Variants in SYDE1 observed in about 807,000 individuals in gnomAD.
The protein encoded by SYDE1 is rho GTPase-activating protein SYDE1.
A neutral mutation model predicts 63.3 loss-of-function variants in SYDE1; 34 were observed. That is an observed-to-expected ratio of 0.54 (90% CI 0.41 to 0.71). SYDE1 has a LOEUF of 0.71. Among genes scored for constraint, SYDE1 ranks in the 30% least tolerant of loss-of-function variants. The pLI is 0.00. For missense variants in SYDE1, 925 were observed against 1,042.5 expected (o/e 0.89, Z 1.55); for synonymous variants, 467 against 473.4 (o/e 0.99, Z 0.18).
In SYDE1 at chr19:15,108,891, C is replaced by T; in HGVS notation, c.89-165C>T. The T allele has an allele frequency of 1.8e-6, 2 of 1,141,284 alleles. No individual in the cohort carries two copies. Among genetic ancestry groups the T allele is most frequent in the East Asian group, 5.6e-5 (2 of 35,458 alleles). 70.7% of individuals were successfully genotyped at this position (1,141,284 alleles called of 1,614,324 possible). On this transcript the variant is annotated intron_variant, in intron 1 of 7. Coordinates refer to ENST00000342784, the MANE Select transcript of SYDE1 (RefSeq NM_033025.6). The surrounding 1 kb of genome is among the most constrained non-coding windows in gnomAD (Gnocchi z 4.3). The stretch of plus-strand genomic sequence containing the variant: ...CTAAGCTGATAACTGAGATCGCTAG[C>T]CTGTGGCTGCCTATTCCAAACAAAA...
chr19:15,113,555 T>C lies in SYDE1; in HGVS notation c.1805-5T>C. The C allele has an allele frequency of 6.5e-7, 1 of 1,541,532 alleles. No individual in the cohort carries two copies. The highest frequency in any genetic ancestry group is 1.2e-5 in the South Asian group (1 of 80,050). On this transcript the variant is annotated splice_region_variant and splice_polypyrimidine_tract_variant and intron_variant, in intron 7 of 7. Transcript: ENST00000342784. The stretch of plus-strand genomic sequence containing the variant: ...CTTTCTATGACCTACCCTGTCTCCC[T>C]TCAGATCCCCGCCTGCCCCGACAAT...
At chr19:15,112,746 T>C (rs1008991794) in intron 7 of SYDE1, among the ~76,000 whole-genome samples, 175 bp downstream of exon 7, 1 of 152,210 alleles carries the variant, frequency 6.6e-6, no homozygotes, top group African/African-American at 2.4e-5. Context: ...GTTTTGTCTT[T>C]TTTTATTTTC....
chr19:15,107,645 C>A, intron 1 of SYDE1, 124 bp downstream of exon 1: 2 of 376,206 alleles, frequency 5.3e-6, no homozygotes, highest in Non-Finnish European at 9.6e-6. Flanking sequence ...CCGCTGCAGA[C>A]TGGGGTGCCT....
Position 15,109,977 on chromosome 19 carries a change from CA to C in SYDE1, c.705del (p.Pro236ArgfsTer105). On this transcript the variant is annotated frameshift_variant, in exon 3 of 8. Coordinates refer to ENST00000342784, the MANE Select transcript of SYDE1 (RefSeq NM_033025.6). LOFTEE classifies it high-confidence loss of function. The surrounding 1 kb of genome is among the most constrained non-coding windows in gnomAD (Gnocchi z 5.0). ...PRAGYLSDGD[S>X]PERPAGPPSP... ...GCCGGTTACCTCAGCGACGGGGACT[CA>C]CCGGAGCGCCCAGCTGGGCCCCCAT... is the stretch of plus-strand genomic sequence containing the variant. The C allele has an allele frequency of 6.7e-7, 1 of 1,487,896 alleles. No individual in the cohort carries two copies. Among genetic ancestry groups the C allele is most frequent in the Non-Finnish European group, 8.9e-7 (1 of 1,127,068 alleles). The allele number at this position is 1,487,896 out of a possible 1,614,324, so 92.2% of individuals were successfully genotyped here.
chr19:15,107,589 C>T, intron 1 of SYDE1, 68 bp downstream of exon 1: 1 of 1,220,032 alleles, frequency 8.2e-7, no homozygotes. Context: ...GGTCCCAGGG[C>T]CCCGAGGACA....
Position 15,111,229 on chromosome 19 carries a change from C to T in SYDE1, c.1291-84C>T. 6.6e-7 allele frequency: 1 copy of T among 1,519,148 alleles called. No homozygotes were observed. The highest frequency in any genetic ancestry group is 9.0e-7 in the Non-Finnish European group (1 of 1,107,068). The allele number at this position is 1,519,148 out of a possible 1,614,324, so 94.1% of individuals were successfully genotyped here. On this transcript the variant is annotated intron_variant, in intron 4 of 7. Coordinates refer to ENST00000342784, the MANE Select transcript of SYDE1 (RefSeq NM_033025.6). The surrounding 1 kb of genome is among the most constrained non-coding windows in gnomAD (Gnocchi z 5.5). ...CCACAATGCCCATTGCTGCCTGGCC[C>T]AGAATTCCAGTGCTCACCCCACTGG...
At chr19:15,107,677 T>G (rs2046316091) in intron 1 of SYDE1, among the ~76,000 whole-genome samples, 156 bp downstream of exon 1, 1 of 130,926 alleles carries the variant, frequency 7.6e-6, no homozygotes, top group Admixed American at 7.5e-5. Flanking sequence ...AGGGTAGGGG[T>G]CCTGGAAGGA....
rs2046341694 is a variant in SYDE1, at chr19:15,110,806, A to G, written c.1290+71A>G. Reference sequence around the variant, plus strand: ...CCACTCTTCAGGACACCCTATGTACAGATGCCAGACCCCTACCCCCAGGCC... The same window carrying G: ...CCACTCTTCAGGACACCCTATGTACGGATGCCAGACCCCTACCCCCAGGCC... On this transcript the variant is annotated intron_variant, in intron 4 of 7. Coordinates refer to ENST00000342784, the MANE Select transcript of SYDE1 (RefSeq NM_033025.6). The surrounding 1 kb of genome is among the most constrained non-coding windows in gnomAD (Gnocchi z 6.9). The G allele has an allele frequency of 7.6e-7, 1 of 1,316,616 alleles. No homozygotes were observed. Among genetic ancestry groups the G allele is most frequent in the South Asian group, 1.5e-5 (1 of 68,746 alleles). 81.6% of individuals were successfully genotyped at this position (1,316,616 alleles called of 1,614,324 possible). A position where few individuals can be genotyped will look rare whatever the true frequency, so the allele number is the denominator to read the frequency against.
In SYDE1 at chr19:15,110,039, G is replaced by A. The variant is rs2240297; in HGVS notation, c.766G>A (p.Ala256Thr). 0.21 allele frequency: 316,029 copies of A among 1,500,074 alleles called. 35,744 individuals carry two copies. The highest frequency in any genetic ancestry group is 0.35 in the East Asian group (13,124 of 37,396). The allele number at this position is 1,500,074 out of a possible 1,614,324, so 92.9% of individuals were successfully genotyped here. A position where few individuals can be genotyped will look rare whatever the true frequency, so the allele number is the denominator to read the frequency against. Residue 256 changes from alanine to threonine, a missense_variant, in exon 3 of 8, where the codon GCA becomes ACA. By Grantham distance (58) the Ala-to-Thr change is moderately conservative. Coordinates refer to ENST00000342784, the MANE Select transcript of SYDE1 (RefSeq NM_033025.6). The surrounding 1 kb of genome is among the most constrained non-coding windows in gnomAD (Gnocchi z 6.9). Reference sequence around the variant, plus strand: ...CTTCCGGCCCTACGAGGTGGGTCCCGCAGCCCGGGCACCCCCGGCCGCACT... The same window carrying A: ...CTTCCGGCCCTACGAGGTGGGTCCCACAGCCCGGGCACCCCCGGCCGCACT... ...TSFRPYEVGP[A>T]ARAPPAALWG...
At position 15,111,720 on chromosome 19, in the gene SYDE1, C is replaced by T; in HGVS notation, c.1506C>T (p.Asp502=). The change falls in exon 6 of 8, where the codon GAC becomes GAT. Residue 502 remains aspartate (D), a synonymous_variant. Transcript: ENST00000342784. This position sits in a 1 kb window ranked among gnomAD's most constrained non-coding sequence, Gnocchi z 5.5. Reference sequence around the variant, plus strand: ...TGGTACTGGAGGCCATGGCCCGGGACCCCCCAAACAGAGTTCCCCCCACCA... The same window carrying T: ...TGGTACTGGAGGCCATGGCCCGGGATCCCCCAAACAGAGTTCCCCCCACCA... ...YKVVLEAMAR[D]PPNRVPPTTE... 1 of 1,603,526 alleles carries T rather than the reference C, an allele frequency of 6.2e-7. No homozygotes were observed. The highest frequency in any genetic ancestry group is 8.5e-7 in the Non-Finnish European group (1 of 1,171,618).
At position 15,114,443 on chromosome 19, in the gene SYDE1, CTGTT is replaced by C. The variant is rs2145333755; in HGVS notation, c.*484_*487del. The C allele has an allele frequency of 6.1e-6, 1 of 163,722 alleles. No homozygotes were observed. The highest frequency in any genetic ancestry group is 1.8e-4 in the East Asian group (1 of 5,530). The allele number at this position is 163,722 out of a possible 1,614,324, so 10.1% of individuals were successfully genotyped here. ...ACGACACAAAGACTAGCATGAGGCA[CTGTT>C]TGTGGGGGGCAGCCCCTATCCTGGG... On this transcript the variant is annotated 3_prime_UTR_variant, in exon 8 of 8. Transcript: ENST00000342784.
chr19:15,113,816 C>T lies in SYDE1; in HGVS notation c.2061C>T (p.Asp687=). 6.2e-7 allele frequency: 1 copy of T among 1,614,092 alleles called. No individual in the cohort carries two copies. Among genetic ancestry groups the T allele is most frequent in the Non-Finnish European group, 8.5e-7 (1 of 1,180,038 alleles). ...CGGGCAGTGACAGCGAGGACGAGGA[C>T]GAGGAGGTCGGCGAGCCGAGGGTCA... is the stretch of plus-strand genomic sequence containing the variant. ...HVTGSDSEDE[D]EEVGEPRVTG... The change falls in exon 8 of 8, where the codon GAC becomes GAT. Residue 687 remains aspartate (D), a synonymous_variant. Coordinates refer to ENST00000342784, the MANE Select transcript of SYDE1 (RefSeq NM_033025.6).
rs200840020 is a variant in SYDE1, at chr19:15,111,307, C to T, written c.1291-6C>T. The T allele has an allele frequency of 6.2e-7, 1 of 1,614,008 alleles. No individual in the cohort carries two copies. The highest frequency in any genetic ancestry group is 2.2e-5 in the East Asian group (1 of 44,868). ...GAAGACATTCACTCTCTCTTCCCAC[C>T]CCCAGGTAGTGGGACTGTACCGTCT... is the stretch of plus-strand genomic sequence containing the variant. On this transcript the variant is annotated splice_polypyrimidine_tract_variant and splice_region_variant and intron_variant, in intron 4 of 7. Transcript: ENST00000342784. This position sits in a 1 kb window ranked among gnomAD's most constrained non-coding sequence, Gnocchi z 5.5.
Position 15,111,832 on chromosome 19 carries a change from G to A in SYDE1, c.1578+40G>A. 6.6e-7 allele frequency: 1 copy of A among 1,524,590 alleles called. No homozygotes were observed. Among genetic ancestry groups the A allele is most frequent in the Non-Finnish European group, 8.8e-7 (1 of 1,134,478 alleles). The allele number at this position is 1,524,590 out of a possible 1,614,324, so 94.4% of individuals were successfully genotyped here. A position where few individuals can be genotyped will look rare whatever the true frequency, so the allele number is the denominator to read the frequency against. On this transcript the variant is annotated intron_variant, in intron 6 of 7. Transcript: ENST00000342784. This position sits in a 1 kb window ranked among gnomAD's most constrained non-coding sequence, Gnocchi z 5.5. ...GTGGGAGTGATGGGACTTGAGAGTGGGCTGATACCAATAGAATGTTTCACC... is the reference window on the plus strand; with the variant it reads ...GTGGGAGTGATGGGACTTGAGAGTGAGCTGATACCAATAGAATGTTTCACC...
At chr19:15,113,477 G>T in intron 7 of SYDE1, 83 bp from the exon 8 acceptor site, 1 of 1,466,268 alleles carries the variant, frequency 6.8e-7, no homozygotes, top group Non-Finnish European at 9.1e-7. Flanking sequence ...CTTTCCACAG[G>T]CCAATCAGGA....
chr19:15,110,040 C>T lies in SYDE1; in HGVS notation c.767C>T (p.Ala256Val), dbSNP rs1360099791. The change falls in exon 3 of 8, where the codon GCA becomes GTA. Residue 256 changes from alanine (A) to valine (V), a missense_variant. Transcript: ENST00000342784. This position sits in a 1 kb window ranked among gnomAD's most constrained non-coding sequence, Gnocchi z 6.9. ...TSFRPYEVGP[A>V]ARAPPAALWG... ...TTCCGGCCCTACGAGGTGGGTCCCG[C>T]AGCCCGGGCACCCCCGGCCGCACTC... The T allele has an allele frequency of 1.3e-6, 2 of 1,502,030 alleles. No homozygotes were observed. The highest frequency in any genetic ancestry group is 2.2e-5 in the Admixed American group (1 of 46,486). The allele number at this position is 1,502,030 out of a possible 1,614,324, so 93.0% of individuals were successfully genotyped here.
At chr19:15,113,527 C>G in intron 7 of SYDE1, 33 bp from the exon 8 acceptor site, 1 of 1,507,670 alleles carries the variant, frequency 6.6e-7, no homozygotes. Context: ...TCGGCTGTCG[C>G]CTCTTTCTAT....
In SYDE1 at chr19:15,113,647, C is replaced by G. The variant is rs778396460; in HGVS notation, c.1892C>G (p.Pro631Arg). The stretch of plus-strand genomic sequence containing the variant: ...CCTCTGCACCTGCCGCTGGCAGACC[C>G]CGAAGTGGTGACTCGGCCCCGCGGT... ...QPPLHLPLAD[P>R]EVVTRPRGRG... The change falls in exon 8 of 8, where the codon CCC (proline) becomes CGC (arginine). Residue 631 changes from proline (P) to arginine (R), a missense_variant. By Grantham distance (103) the Pro-to-Arg change is moderately radical. Coordinates refer to ENST00000342784, the MANE Select transcript of SYDE1 (RefSeq NM_033025.6). 49 of 1,612,830 alleles carry G rather than the reference C, an allele frequency of 3.0e-5. No homozygotes were observed. Among genetic ancestry groups the G allele is most frequent in the Non-Finnish European group, 3.8e-5 (45 of 1,179,620 alleles).
rs767928519 is a variant in SYDE1, at chr19:15,111,546, AC to A, written c.1418-83del. On this transcript the variant is annotated intron_variant, in intron 5 of 7. Coordinates refer to ENST00000342784, the MANE Select transcript of SYDE1 (RefSeq NM_033025.6). The surrounding 1 kb of genome is among the most constrained non-coding windows in gnomAD (Gnocchi z 5.5). The stretch of plus-strand genomic sequence containing the variant: ...AGTCCTCCTATCTGACCTTGCTTTC[AC>A]CCACCTCCTCTTCCCCCTTAGCTGT... 1.3e-6 allele frequency: 2 copies of A among 1,597,036 alleles called. No individual in the cohort carries two copies. Among genetic ancestry groups the A allele is most frequent in the Non-Finnish European group, 1.7e-6 (2 of 1,169,448 alleles).
Sources: allele counts gnomAD v4.1 joint callset (sites outside exome capture counted in the v4.1 genomes callset), GRCh38; gene constraint gnomAD v4.1.1; non-coding constraint Gnocchi (gnomAD v3.1); transcripts MANE v1.5; gene names NCBI Gene and HGNC (gene_info 2026-07-23, HGNC 2026-07-21).